RNGTT: variants seen among roughly 807,000 people sequenced by gnomAD.
RNGTT encodes mRNA-capping enzyme.
RNGTT carries 33 observed loss-of-function variants against 79.3 expected under a neutral mutation model. The observed-to-expected ratio is 0.42, with a 90% confidence interval of 0.32 to 0.56. The LOEUF (loss-of-function observed/expected upper bound fraction) is 0.56, where lower values mean the gene tolerates loss of function less well. Ranked by LOEUF, RNGTT falls within the 20% of genes least tolerant of loss-of-function variation. The pLI, the probability that RNGTT is intolerant of heterozygous loss-of-function variation, is 0.17. For missense variants in RNGTT, 497 were observed against 739.1 expected, an observed-to-expected ratio of 0.67 and a Z score of 3.80; for synonymous variants, 222 against 235.9, an observed-to-expected ratio of 0.94 and a Z score of 0.54.
At chr6:88,730,011 G>C (rs1332332196) in intron 13 of RNGTT, among the ~76,000 whole-genome samples, 7 of 152,084 alleles carry the variant, frequency 4.6e-5, no homozygotes, top group Admixed American at 4.6e-4. Flanking sequence ...CATAAAAATG[G>C]CACTTACTAA....
At chr6:88,644,750 A>T (rs1004351787) in intron 14 of RNGTT, among the ~76,000 whole-genome samples, 16 of 152,202 alleles carry the variant, frequency 1.1e-4, no homozygotes, top group African/African-American at 3.9e-4. Flanking sequence ...AAAGACAAAA[A>T]CCACATGATT....
intron 11 of RNGTT, among the ~76,000 whole-genome samples, chr6:88,816,283 G>A (rs901716922): frequency 6.6e-6 from 1 of 152,226 alleles, no homozygotes; most frequent in Non-Finnish European, 1.5e-5. Context: ...GCCTCTATAT[G>A]TACATTATCT....
intron 13 of RNGTT, among the ~76,000 whole-genome samples, chr6:88,736,271 A>T (rs1777281381): frequency 6.6e-6 from 1 of 152,240 alleles, no homozygotes; most frequent in African/African-American, 2.4e-5. Flanking sequence ...TCAATTTTCT[A>T]TAATCTGTTT....
intron 14 of RNGTT, among the ~76,000 whole-genome samples, chr6:88,649,623 G>A (rs577250764): frequency 2.4e-4 from 36 of 152,250 alleles, no homozygotes; most frequent in Non-Finnish European, 1.8e-4. Flanking sequence ...CGTGAACCCG[G>A]GAGGTGGAGC....
At chr6:88,813,185 G>C (rs556952345) in intron 11 of RNGTT, among the ~76,000 whole-genome samples, 1 of 152,226 alleles carries the variant, frequency 6.6e-6, no homozygotes, top group African/African-American at 2.4e-5. Flanking sequence ...AAATCAACTG[G>C]AACCGATATG....
At chr6:88,748,546 TTAATTTTTTTACAAATAC>T (rs1198354882) in intron 13 of RNGTT, among the ~76,000 whole-genome samples, 1 of 152,110 alleles carries the variant, frequency 6.6e-6, no homozygotes, top group Non-Finnish European at 1.5e-5. Context: ...CTTATTATAC[TTAATTTTTTTACAAATAC>T]TGATTTAGCT....
intron 12 of RNGTT, among the ~76,000 whole-genome samples, chr6:88,773,292 G>A (rs1238518506): frequency 1.4e-5 from 2 of 141,444 alleles, no homozygotes; most frequent in East Asian, 4.3e-4. Flanking sequence ...GACACAGGAA[G>A]GGGAACATCA....
chr6:88,654,420 A>C (rs1211656543), intron 14 of RNGTT, among the ~76,000 whole-genome samples: 1 of 152,166 alleles, frequency 6.6e-6, no homozygotes, highest in African/African-American at 2.4e-5. Flanking sequence ...TCATCTAAGG[A>C]AGATCTTACC....
At chr6:88,810,868 A>G (rs921401129) in intron 11 of RNGTT, among the ~76,000 whole-genome samples, 2 of 152,236 alleles carry the variant, frequency 1.3e-5, no homozygotes, top group Non-Finnish European at 2.9e-5. Context: ...ATATTTCCTG[A>G]CTGCCTTCCA....
chr6:88,962,833 A>C (rs1411673752), intron 1 of RNGTT, among the ~76,000 whole-genome samples: 1 of 152,124 alleles, frequency 6.6e-6, no homozygotes, highest in Admixed American at 6.5e-5. Flanking sequence ...TGGGAGGCTG[A>C]GGTGGGAGGA....
intron 11 of RNGTT, among the ~76,000 whole-genome samples, chr6:88,812,999 C>T (rs1780192114): frequency 6.6e-6 from 1 of 152,036 alleles, no homozygotes; most frequent in Non-Finnish European, 1.5e-5. Flanking sequence ...TAATATATGC[C>T]AGGTACTGTT....
At chr6:88,929,916 A>G (rs1045431397) in intron 2 of RNGTT, among the ~76,000 whole-genome samples, 1 of 147,466 alleles carries the variant, frequency 6.8e-6, no homozygotes, top group East Asian at 1.9e-4. Flanking sequence ...ATGCATATAT[A>G]CACGTATATA....
At chr6:88,899,148 C>CT (rs548493110) in intron 6 of RNGTT, among the ~76,000 whole-genome samples, 23 of 146,666 alleles carry the variant, frequency 1.6e-4, no homozygotes, top group Admixed American at 2.7e-4. Context: ...GGTTTTAGAA[C>CT]TTTTTTTTTT....
At position 88,753,277 on chromosome 6, in the gene RNGTT, G is replaced by A. The variant is rs183926119; in HGVS notation, c.1439+16497C>T. Among the ~76,000 whole-genome samples, 20 of 152,308 alleles carry A rather than the reference G, an allele frequency of 1.3e-4. No homozygotes were observed. In the East Asian group the frequency reaches 3.3e-3, roughly 25 times the overall value. On this transcript the variant is annotated intron_variant, in intron 13 of 15. Transcript: ENST00000369485. ...CCTAGCACTTTGGGAGGTTGAGGCA[G>A]GAGGACTGCTTGAGCCTAGGAGTTG... is the stretch of plus-strand genomic sequence containing the variant.
At chr6:88,651,760 T>A (rs1410442580) in intron 14 of RNGTT, among the ~76,000 whole-genome samples, 3 of 152,018 alleles carry the variant, frequency 2.0e-5, no homozygotes, top group Non-Finnish European at 4.4e-5. Context: ...CCCCCAAATT[T>A]TTATTTTAAA....
At chr6:88,824,933 G>C (rs190183602) in intron 11 of RNGTT, among the ~76,000 whole-genome samples, 1 of 151,706 alleles carries the variant, frequency 6.6e-6, no homozygotes, top group Non-Finnish European at 1.5e-5. Flanking sequence ...AGTAAAGACG[G>C]GGTTTCACCA....
intron 11 of RNGTT, among the ~76,000 whole-genome samples, chr6:88,812,625 C>T (rs1391404415): frequency 1.3e-5 from 2 of 152,170 alleles, no homozygotes; most frequent in Admixed American, 1.3e-4. Context: ...AATGTCTATA[C>T]GTGCCAGGCC....
chr6:88,904,999 T>C, intron 5 of RNGTT, 44 bp from the exon 6 acceptor site: 1 of 1,587,440 alleles, frequency 6.3e-7, no homozygotes, highest in South Asian at 1.2e-5. Flanking sequence ...TATCCTCTAT[T>C]TATGCAGGCT....
intron 12 of RNGTT, among the ~76,000 whole-genome samples, chr6:88,795,983 C>A (rs1008967645): frequency 6.6e-6 from 1 of 152,124 alleles, no homozygotes; most frequent in Non-Finnish European, 1.5e-5. Flanking sequence ...TGAGCACATA[C>A]AAGAAATGGG....
Sources: allele counts gnomAD v4.1 joint callset (sites outside exome capture counted in the v4.1 genomes callset), GRCh38; gene constraint gnomAD v4.1.1; transcripts MANE v1.5; gene names NCBI Gene and HGNC (gene_info 2026-07-23, HGNC 2026-07-21).